Variants in PIK3C2G observed in about 807,000 individuals in gnomAD.
The protein encoded by PIK3C2G is phosphatidylinositol-4-phosphate 3-kinase catalytic subunit type 2 gamma.
In PIK3C2G, 168 loss-of-function variants were observed where a neutral mutation model predicts 181.1. The ratio of observed to expected loss-of-function variants is 0.93; its 90% CI spans 0.82 to 1.05. The LOEUF (loss-of-function observed/expected upper bound fraction) is 1.05, where lower values mean the gene tolerates loss of function less well. Among genes scored for constraint, PIK3C2G ranks in the 50% least tolerant of loss-of-function variants. The pLI is 0.00. For missense variants in PIK3C2G, 1,869 were observed against 1,732.8 expected, an observed-to-expected ratio of 1.08 and a Z score of -1.40; for synonymous variants, 573 against 592.2, an observed-to-expected ratio of 0.97 and a Z score of 0.47.
rs35440588 is a variant in PIK3C2G at position 18,487,096 on chromosome 12, T to TTGTGTGTGTGTGTGTG, written c.2505-1329_2505-1314dup. On this transcript the variant is annotated intron_variant, in intron 18 of 32. Coordinates refer to ENST00000538779, the MANE Select transcript of PIK3C2G (RefSeq NM_001288772.2). ...TACATCTTTAGTCCCTTGAGGTATT[T>TTGTGTGTGTGTGTGTG]TGTGTGTGTGTGTGTGTGTGTGTGT... Among the ~76,000 whole-genome samples the TTGTGTGTGTGTGTGTG allele has an allele frequency of 2.0e-3, 291 of 142,188 alleles. 4 individuals are homozygous for TTGTGTGTGTGTGTGTG. The highest frequency in any genetic ancestry group is 0.015 in the Middle Eastern group (4 of 274). The allele number at this position is 142,188 out of a possible 152,430, so 93.3% of individuals were successfully genotyped here. A position where few individuals can be genotyped will look rare whatever the true frequency, so the allele number is the denominator to read the frequency against.
intron 14 of PIK3C2G, among the ~76,000 whole-genome samples, chr12:18,384,115 C>A (rs1943021562): frequency 6.6e-6 from 1 of 151,706 alleles, no homozygotes; most frequent in African/African-American, 2.4e-5. Flanking sequence ...AGCCACTGCA[C>A]CCAGCCTGGA....
At chr12:18,386,699 TTTTA>T (rs1341378422) in intron 14 of PIK3C2G, among the ~76,000 whole-genome samples, 5 of 152,204 alleles carry the variant, frequency 3.3e-5, no homozygotes, top group African/African-American at 1.2e-4. Flanking sequence ...ATATACCCTA[TTTTA>T]TTTATTAATT....
chr12:18,542,850 A>C (rs1204652160), intron 25 of PIK3C2G, among the ~76,000 whole-genome samples: 1 of 151,948 alleles, frequency 6.6e-6, no homozygotes, highest in East Asian at 1.9e-4. Flanking sequence ...TGCTATTGTA[A>C]ATAGTGCTGC....
intron 4 of PIK3C2G, among the ~76,000 whole-genome samples, chr12:18,291,854 T>G (rs925802522): frequency 2.6e-4 from 39 of 151,220 alleles, no homozygotes; most frequent in Middle Eastern, 3.4e-3. Context: ...ACCCTCTTGG[T>G]TGGAAATGAA....
At chr12:18,296,704 C>T (rs1363437590) in intron 5 of PIK3C2G, among the ~76,000 whole-genome samples, 3 of 151,822 alleles carry the variant, frequency 2.0e-5, no homozygotes, top group Non-Finnish European at 2.9e-5. Context: ...TAAAATATCC[C>T]GACTCACTCA....
intron 31 of PIK3C2G, among the ~76,000 whole-genome samples, chr12:18,632,116 C>T (rs1023690521): frequency 3.3e-5 from 5 of 152,004 alleles, no homozygotes; most frequent in Admixed American, 2.6e-4. Flanking sequence ...CAGAACAGCC[C>T]GCTGCAACAA....
chr12:18,408,968 A>C (rs180722455), intron 16 of PIK3C2G, among the ~76,000 whole-genome samples: 70 of 152,296 alleles, frequency 4.6e-4, no homozygotes, highest in African/African-American at 1.6e-3. Context: ...AATTAGTTCA[A>C]CCTTTGTGGA....
At chr12:18,503,208 T>C in intron 22 of PIK3C2G, 73 bp from the exon 23 acceptor site, 5 of 1,123,048 alleles carry the variant, frequency 4.5e-6, no homozygotes, top group Non-Finnish European at 6.4e-6. Context: ...GAAGCTATTG[T>C]TGTTATATTT....
At chr12:18,633,405 T>C (rs901276660) in intron 31 of PIK3C2G, among the ~76,000 whole-genome samples, 57 of 152,218 alleles carry the variant, frequency 3.7e-4, no homozygotes, top group African/African-American at 1.3e-3. Context: ...ACTGGTCACA[T>C]TGTCGTAGTT....
chr12:18,562,588 A>G (rs1328380433), intron 26 of PIK3C2G, 115 bp from the exon 27 acceptor site: 2 of 629,564 alleles, frequency 3.2e-6, no homozygotes, highest in African/African-American at 1.8e-5. Flanking sequence ...AAATAAACAT[A>G]CATGGTTCTT....
At chr12:18,269,471 A>T (rs915312098) in intron 1 of PIK3C2G, among the ~76,000 whole-genome samples, 1 of 152,074 alleles carries the variant, frequency 6.6e-6, no homozygotes, top group African/African-American at 2.4e-5. Flanking sequence ...GGTTTTCCTC[A>T]CCCATGCAAG....
At chr12:18,639,248 C>T (rs1413354142) in intron 31 of PIK3C2G, among the ~76,000 whole-genome samples, 3 of 151,944 alleles carry the variant, frequency 2.0e-5, no homozygotes, top group African/African-American at 7.2e-5. Flanking sequence ...AAATTTAGTC[C>T]TATAATAATA....
At chr12:18,256,931 A>G (rs1312133344), upstream of PIK3C2G, among the ~76,000 whole-genome samples, 1 of 152,052 alleles carries the variant, frequency 6.6e-6, no homozygotes, top group East Asian at 1.9e-4. Context: ...ATAAAAATTT[A>G]TGTCTCACTA....
chr12:18,613,195 G>A (rs1168542356), intron 31 of PIK3C2G, among the ~76,000 whole-genome samples: 2 of 151,938 alleles, frequency 1.3e-5, no homozygotes, highest in South Asian at 2.1e-4. Flanking sequence ...TCTAGTCTGT[G>A]TAGTTTCTAG....
the PIK3C2G span, among the ~76,000 whole-genome samples, chr12:18,698,110 G>C: frequency 6.6e-6 from 1 of 152,084 alleles, no homozygotes; most frequent in South Asian, 2.1e-4. Context: ...ACAGAGACCA[G>C]TAAAGCATGT....
rs1941358876 is a variant in PIK3C2G at position 18,362,821 on chromosome 12, A to G, written c.1683A>G (p.Gln561=). Residue 561 remains glutamine (Q), a synonymous_variant, in exon 12 of 33, where the codon CAA becomes CAG. Transcript: ENST00000538779. ...WLTYAGKKLC[Q]VRNYRNIPDK... ...CATATGCTGGAAAGAAGCTGTGCCAAGTGAGAAACTACAGAAATATTCCAG... is the reference window on the plus strand; with the variant it reads ...CATATGCTGGAAAGAAGCTGTGCCAGGTGAGAAACTACAGAAATATTCCAG... 4 of 1,522,086 alleles carry G rather than the reference A, an allele frequency of 2.6e-6. No individual in the cohort carries two copies. The African/African-American group carries it at 4.1e-5, about 16-fold the overall frequency. 94.3% of individuals were successfully genotyped at this position (1,522,086 alleles called of 1,614,324 possible).
At chr12:18,348,026 T>G (rs186637708) in intron 11 of PIK3C2G, among the ~76,000 whole-genome samples, 1 of 152,144 alleles carries the variant, frequency 6.6e-6, no homozygotes, top group Admixed American at 6.5e-5. Context: ...AGGGCCGATG[T>G]ATAGTAAAAT....
chr12:18,251,679 C>T (rs919085359), intron 1 of PIK3C2G, among the ~76,000 whole-genome samples: 6 of 151,946 alleles, frequency 3.9e-5, no homozygotes, highest in Admixed American at 2.6e-4. Flanking sequence ...TCTTGAAATA[C>T]GTAGCACAAA....
chr12:18,509,328 G>A (rs887060775), intron 24 of PIK3C2G, among the ~76,000 whole-genome samples: 5 of 152,158 alleles, frequency 3.3e-5, no homozygotes, highest in East Asian at 3.9e-4. Context: ...GATTACAGGC[G>A]TGAGCCACTG....
Sources: gnomAD v4.1 joint callset for allele counts (sites outside exome capture counted in the v4.1 genomes callset) on GRCh38, gnomAD v4.1.1 for gene constraint, MANE v1.5 for transcripts, NCBI Gene and HGNC (gene_info 2026-07-23, HGNC 2026-07-21) for gene names.